RRBP1: variants seen among roughly 807,000 people sequenced by gnomAD.
The protein encoded by RRBP1 is ribosome binding protein 1.
RRBP1 carries 94 observed loss-of-function variants against 165.2 expected under a neutral mutation model. That is an observed-to-expected ratio of 0.57 (90% CI 0.48 to 0.68). The LOEUF is 0.68. Among genes scored for constraint, RRBP1 ranks in the 30% least tolerant of loss-of-function variants. The pLI, the probability that RRBP1 is intolerant of heterozygous loss-of-function variation, is 0.00. For missense variants in RRBP1, 1,676 were observed against 1,763.0 expected (o/e 0.95, Z 0.88); for synonymous variants, 680 against 714.5 (o/e 0.95, Z 0.77).
chr20:17,665,414 C>T (rs1311981771), intron 2 of RRBP1, among the ~76,000 whole-genome samples: 1 of 152,114 alleles, frequency 6.6e-6, no homozygotes, highest in East Asian at 1.9e-4. Flanking sequence ...CTCTGTTGCC[C>T]AGGCTGGAGC....
intron 13 of RRBP1, chr20:17,623,027 A>G (rs2035945640): frequency 6.6e-6 from 1 of 152,154 alleles, no homozygotes; most frequent in African/African-American, 2.4e-5. Context: ...ACCCATGTGG[A>G]CCCTTGACCT....
intron 3 of RRBP1, among the ~76,000 whole-genome samples, chr20:17,654,703 T>C (rs540518310): frequency 6.6e-6 from 1 of 152,320 alleles, no homozygotes; most frequent in African/African-American, 2.4e-5. Context: ...TGGGTGACTC[T>C]ATAGCCTGTG....
At position 17,660,052 on chromosome 20, in the gene RRBP1, A is replaced by G; in HGVS notation, c.456T>C (p.Ala152=). ...KEKKVAKVEP[A]VSSVVNSIQV... is the part of the protein sequence containing the mutation. ...GGATGGAATTCACTACAGAGCTGAC[A>G]GCTGGTTCCACTTTTGCCACTTTTT... Residue 152 remains alanine (A), a synonymous_variant, in exon 3 of 25, where the codon GCT becomes GCC. Transcript: ENST00000377813. 6.2e-7 allele frequency: 1 copy of G among 1,613,870 alleles called. No homozygotes were observed. Among genetic ancestry groups the G allele is most frequent in the Non-Finnish European group, 8.5e-7 (1 of 1,179,912 alleles).
intron 7 of RRBP1, among the ~76,000 whole-genome samples, chr20:17,634,180 G>A (rs542851605): frequency 6.6e-6 from 1 of 152,372 alleles, no homozygotes; most frequent in African/African-American, 2.4e-5. Flanking sequence ...CTGGAGGCCT[G>A]CCTTTCCAGC....
intron 3 of RRBP1, among the ~76,000 whole-genome samples, chr20:17,644,793 G>GA (rs113471045): frequency 0.012 from 1,852 of 151,424 alleles, 16 homozygotes; most frequent in South Asian, 0.021. Flanking sequence ...GATTTGGTAT[G>GA]AAAAAAAAAG....
At chr20:17,648,203 C>CATCA (rs113008387) in intron 3 of RRBP1, among the ~76,000 whole-genome samples, 2,328 of 152,360 alleles carry the variant, frequency 0.015, 85 homozygotes, top group Admixed American at 0.072. Context: ...CTCCGGCCAA[C>CATCA]ATCACTGCTG....
At chr20:17,648,233 T>TG (rs988840066) in intron 3 of RRBP1, among the ~76,000 whole-genome samples, 2 of 152,248 alleles carry the variant, frequency 1.3e-5, no homozygotes, top group Non-Finnish European at 2.9e-5. Flanking sequence ...TGCTCGTTCT[T>TG]GGACTGTGGC....
chr20:17,677,869 A>T (rs1453992167), intron 2 of RRBP1, among the ~76,000 whole-genome samples: 1 of 152,218 alleles, frequency 6.6e-6, no homozygotes, highest in Non-Finnish European at 1.5e-5. Flanking sequence ...AAAAAGAAAA[A>T]AAAGTTATAT....
chr20:17,622,694 A>T (rs997135109), intron 13 of RRBP1, among the ~76,000 whole-genome samples: 2 of 152,128 alleles, frequency 1.3e-5, no homozygotes, highest in Non-Finnish European at 2.9e-5. Flanking sequence ...CAAGGGAATC[A>T]TGAAGCAAAG....
At chr20:17,648,090 C>G (rs917404142) in intron 3 of RRBP1, among the ~76,000 whole-genome samples, 3 of 152,222 alleles carry the variant, frequency 2.0e-5, no homozygotes, top group Non-Finnish European at 2.9e-5. Context: ...CCCATTCCTG[C>G]TGACCCAAAG....
At chr20:17,638,790 G>C (rs2036294087) in intron 5 of RRBP1, among the ~76,000 whole-genome samples, 1 of 152,122 alleles carries the variant, frequency 6.6e-6, no homozygotes, top group Non-Finnish European at 1.5e-5. Context: ...GTGACTCTCT[G>C]TCCCTACTTC....
chr20:17,617,454 C>A (rs6080748), intron 20 of RRBP1, among the ~76,000 whole-genome samples: 7 of 152,212 alleles, frequency 4.6e-5, no homozygotes, highest in Admixed American at 4.6e-4. Context: ...TCTGACCCTG[C>A]GCTGAGGGGC....
chr20:17,665,745 C>T (rs6111600), intron 2 of RRBP1, among the ~76,000 whole-genome samples: 18,163 of 152,204 alleles, frequency 0.12, 1,403 homozygotes, highest in Middle Eastern at 0.24. Context: ...CCCCTGAAGC[C>T]AGCCACCCAG....
At position 17,614,813 on chromosome 20, in the gene RRBP1, A is replaced by G. The variant is rs2035763199; in HGVS notation, c.4118T>C (p.Leu1373Pro). The G allele has an allele frequency of 6.2e-7, 1 of 1,613,712 alleles. No individual in the cohort carries two copies. The highest frequency in any genetic ancestry group is 1.7e-5 in the Admixed American group (1 of 60,006). The change falls in exon 24 of 25, where the codon CTT becomes CCT. Residue 1373 changes from leucine to proline, a missense_variant. Transcript: ENST00000377813. The stretch of plus-strand genomic sequence containing the variant: ...CAGCTGCTCCTGGGTCGTCTTCAGA[A>G]GCTCCTGCAGTCTCGTGGCGGCGCG... ...LGRAATRLQE[L>P]LKTTQEQLAR...
chr20:17,619,443 C>A (rs1012677433), intron 19 of RRBP1, 190 bp downstream of exon 19: 2 of 470,850 alleles, frequency 4.2e-6, no homozygotes, highest in Admixed American at 3.9e-5. Flanking sequence ...CTTTTTGAAA[C>A]CTGCCCTGAG....
chr20:17,637,325 C>G (rs2036266892), intron 5 of RRBP1, among the ~76,000 whole-genome samples: 1 of 152,148 alleles, frequency 6.6e-6, no homozygotes, highest in Non-Finnish European at 1.5e-5. Context: ...TCCGGCGTCT[C>G]CAGCAGGGAC....
intron 13 of RRBP1, among the ~76,000 whole-genome samples, chr20:17,624,339 C>T (rs781365090): frequency 6.6e-6 from 1 of 152,170 alleles, no homozygotes; most frequent in African/African-American, 2.4e-5. Flanking sequence ...TGCGTCTGTA[C>T]GTCCTAGTGC....
At position 17,621,766 on chromosome 20, in the gene RRBP1, G is replaced by C. The variant is rs777895738; in HGVS notation, c.3248C>G (p.Thr1083Ser). The C allele has an allele frequency of 6.2e-7, 1 of 1,613,848 alleles. No homozygotes were observed. Among genetic ancestry groups the C allele is most frequent in the African/African-American group, 1.3e-5 (1 of 74,932 alleles). Residue 1083 changes from threonine (T) to serine (S), a missense_variant, in exon 15 of 25, where the codon ACC (threonine) becomes AGC (serine). Physicochemically the swap from Thr to Ser is moderately conservative, Grantham distance 58. Coordinates refer to ENST00000377813, the MANE Select transcript of RRBP1 (RefSeq NM_001365613.2). ...CTCTTTGAGATCCTGCAGCCACTCG[G>C]TGTAATTCTGCAATGAAACACATTC... ...ELSVLAQQNY[T>S]EWLQDLKEKG...
chr20:17,663,074 G>A (rs555345206), intron 2 of RRBP1, among the ~76,000 whole-genome samples: 20 of 152,086 alleles, frequency 1.3e-4, no homozygotes, highest in African/African-American at 3.6e-4. Flanking sequence ...AACATTAGGG[G>A]CCTGGGTCAC....
Sources: allele counts gnomAD v4.1 joint callset (sites outside exome capture counted in the v4.1 genomes callset), GRCh38; gene constraint gnomAD v4.1.1; transcripts MANE v1.5; gene names NCBI Gene and HGNC (gene_info 2026-07-23, HGNC 2026-07-21).